SCGB2B2: variants seen among roughly 807,000 people sequenced by gnomAD.
SCGB2B2 encodes secretoglobin-like protein.
Under a neutral mutation model 7.6 loss-of-function variants are expected in SCGB2B2, and 11 were observed. The observed-to-expected ratio is 1.45, with a 90% CI of 0.91 to 2.40. The LOEUF is 2.40. Ranked by LOEUF, SCGB2B2 falls within the 30% of genes most tolerant of loss-of-function variation. SCGB2B2 has a pLI of 0.00. For missense variants in SCGB2B2, 104 were observed against 115.4 expected, an observed-to-expected ratio of 0.90 and a Z score of 0.45; for synonymous variants, 50 against 48.6, an observed-to-expected ratio of 1.03 and a Z score of -0.12.
At chr19:34,630,783 T>C (rs1357284505) in intron 1 of SCGB2B2, among the ~76,000 whole-genome samples, 1 of 152,146 alleles carries the variant, frequency 6.6e-6, no homozygotes, top group Non-Finnish European at 1.5e-5. Flanking sequence ...CAAAGGATTA[T>C]AAATCATGCT....
chr19:34,628,216 G>A (rs935773913), intron 1 of SCGB2B2, among the ~76,000 whole-genome samples: 3 of 152,066 alleles, frequency 2.0e-5, no homozygotes, highest in Admixed American at 6.6e-5. Context: ...AAGAACTGGA[G>A]AAGCAAGAGC....
chr19:34,663,694 G>A (rs1490752304), intron 1 of SCGB2B2, among the ~76,000 whole-genome samples: 3 of 152,136 alleles, frequency 2.0e-5, no homozygotes, highest in Admixed American at 6.6e-5. Context: ...TTTATATGGT[G>A]TGTCCTAGTC....
At chr19:34,611,086 T>G (rs368793207) in intron 1 of SCGB2B2, among the ~76,000 whole-genome samples, 33 of 152,276 alleles carry the variant, frequency 2.2e-4, no homozygotes, top group African/African-American at 7.9e-4. Flanking sequence ...TATTTTCTGG[T>G]TGGTTTTCTA....
intron 1 of SCGB2B2, among the ~76,000 whole-genome samples, chr19:34,667,878 C>G (rs1330389557): frequency 5.3e-5 from 8 of 152,162 alleles, no homozygotes; most frequent in Non-Finnish European, 1.2e-4. Flanking sequence ...GCTCACAGCT[C>G]GGTGAGTGGC....
chr19:34,627,620 G>C (rs576661782), intron 1 of SCGB2B2, among the ~76,000 whole-genome samples: 2 of 152,258 alleles, frequency 1.3e-5, no homozygotes. Flanking sequence ...CATAAAGCAA[G>C]TCCTTAGACA....
intron 1 of SCGB2B2, among the ~76,000 whole-genome samples, chr19:34,633,773 A>G (rs1472581680): frequency 9.5e-6 from 1 of 105,204 alleles, no homozygotes; most frequent in Admixed American, 9.3e-5. Context: ...CTGCGCAACA[A>G]TATCTCAATA....
chr19:34,669,864 C>A (rs2067756135), intron 1 of SCGB2B2, among the ~76,000 whole-genome samples: 1 of 152,250 alleles, frequency 6.6e-6, no homozygotes, highest in Non-Finnish European at 1.5e-5. Context: ...CACAGGGCCA[C>A]ATGGAGAGCA....
chr19:34,675,797 G>A lies in SCGB2B2; in HGVS notation c.-2199C>T, dbSNP rs941495235. The A allele has an allele frequency of 2.6e-5, 4 of 153,558 alleles. No individual in the cohort carries two copies. The highest frequency in any genetic ancestry group is 5.8e-5 in the Non-Finnish European group (4 of 69,262). The allele number at this position is 153,558 out of a possible 1,614,324, so 9.5% of individuals were successfully genotyped here. A position where few individuals can be genotyped will look rare whatever the true frequency, so the allele number is the denominator to read the frequency against. On this transcript the variant is annotated 5_prime_UTR_variant, in exon 1 of 4. Transcript: ENST00000601241. ...GCTGGAGTTGTTTGTTCCTCCCGGTGGGTTCATGATTTCGCTGGCTTCAGG... is the reference window on the plus strand; with the variant it reads ...GCTGGAGTTGTTTGTTCCTCCCGGTAGGTTCATGATTTCGCTGGCTTCAGG...
intron 1 of SCGB2B2, chr19:34,635,509 T>C: frequency 3.4e-6 from 1 of 297,672 alleles, no homozygotes; most frequent in Admixed American, 3.6e-5. Flanking sequence ...CCACATTCGC[T>C]GCACCCGTAA....
At chr19:34,672,302 G>A (rs920647405) in intron 1 of SCGB2B2, among the ~76,000 whole-genome samples, 3 of 150,554 alleles carry the variant, frequency 2.0e-5, no homozygotes, top group Non-Finnish European at 3.0e-5. Flanking sequence ...GGTTTTACTC[G>A]TTTTTCTCTA....
At chr19:34,618,738 CAT>C (rs2066159406) in intron 1 of SCGB2B2, among the ~76,000 whole-genome samples, 2 of 152,330 alleles carry the variant, frequency 1.3e-5, no homozygotes, top group Admixed American at 6.5e-5. Flanking sequence ...GTTTCAAGCA[CAT>C]GTTATAATAT....
chr19:34,600,428 G>T (rs1264956771), intron 1 of SCGB2B2, among the ~76,000 whole-genome samples: 1 of 152,178 alleles, frequency 6.6e-6, no homozygotes, highest in Non-Finnish European at 1.5e-5. Context: ...GGAATTTTAG[G>T]TGATAAGGCA....
At chr19:34,625,869 C>A (rs577101225) in intron 1 of SCGB2B2, among the ~76,000 whole-genome samples, 221 of 152,310 alleles carry the variant, frequency 1.5e-3, no homozygotes, top group African/African-American at 5.1e-3. Context: ...AGGCACCCAC[C>A]AGTAGGGGCA....
intron 1 of SCGB2B2, among the ~76,000 whole-genome samples, chr19:34,657,692 G>A (rs2067319248): frequency 6.6e-6 from 1 of 151,666 alleles, no homozygotes; most frequent in Non-Finnish European, 1.5e-5. Flanking sequence ...GATCAATGGA[G>A]AGAAGATTAA....
chr19:34,622,266 A>C (rs2066261710), intron 1 of SCGB2B2, among the ~76,000 whole-genome samples: 1 of 152,198 alleles, frequency 6.6e-6, no homozygotes, highest in Non-Finnish European at 1.5e-5. Context: ...TAGAGACTGA[A>C]TGTCTTTCCT....
intron 1 of SCGB2B2, among the ~76,000 whole-genome samples, chr19:34,609,311 C>T (rs945419612): frequency 1.4e-4 from 22 of 151,942 alleles, no homozygotes; most frequent in African/African-American, 4.8e-4. Flanking sequence ...TTTGCTGTGC[C>T]GAAGCTTTTT....
At position 34,593,506 on chromosome 19, in the gene SCGB2B2, C is replaced by T. The variant is rs532198169; in HGVS notation, c.*49G>A. The T allele has an allele frequency of 2.8e-6, 4 of 1,443,974 alleles. No homozygotes were observed. The highest frequency in any genetic ancestry group is 3.8e-6 in the Non-Finnish European group (4 of 1,051,310). The allele number at this position is 1,443,974 out of a possible 1,614,324, so 89.4% of individuals were successfully genotyped here. A position where few individuals can be genotyped will look rare whatever the true frequency, so the allele number is the denominator to read the frequency against. Reference sequence around the variant, plus strand: ...AGAGCCAGGCCAGGAACGCGGGGAGCCCCAAGGAAGGCAGGAGGGCCAATA... The same window carrying T: ...AGAGCCAGGCCAGGAACGCGGGGAGTCCCAAGGAAGGCAGGAGGGCCAATA... On this transcript the variant is annotated 3_prime_UTR_variant, in exon 4 of 4. Transcript: ENST00000601241.
At chr19:34,630,754 G>C (rs929992123) in intron 1 of SCGB2B2, among the ~76,000 whole-genome samples, 26 of 152,032 alleles carry the variant, frequency 1.7e-4, no homozygotes, top group African/African-American at 4.8e-4. Flanking sequence ...CCCAGCCATC[G>C]CATTACTGGG....
intron 1 of SCGB2B2, among the ~76,000 whole-genome samples, chr19:34,610,966 G>A (rs2065910891): frequency 1.3e-5 from 2 of 151,898 alleles, no homozygotes; most frequent in African/African-American, 4.8e-5. Context: ...TTTCTTTGAT[G>A]GGAGATATTT....
Sources: gnomAD v4.1 joint callset for allele counts (sites outside exome capture counted in the v4.1 genomes callset) on GRCh38, gnomAD v4.1.1 for gene constraint, MANE v1.5 for transcripts, NCBI Gene and HGNC (gene_info 2026-07-23, HGNC 2026-07-21) for gene names.